The following PKD1L1 variants were observed in gnomAD, a reference collection of about 807,000 sequenced individuals.
PKD1L1 encodes the protein polycystin 1 like 1, transient receptor potential channel interacting, also known as polycystin-1-like protein 1.
In PKD1L1, 236 loss-of-function variants were observed where a neutral mutation model predicts 323.4. That is an observed-to-expected ratio of 0.73 (90% CI 0.66 to 0.81). The LOEUF (loss-of-function observed/expected upper bound fraction) is 0.81, where lower values mean the gene tolerates loss of function less well. Among genes scored for constraint, PKD1L1 ranks in the 40% least tolerant of loss-of-function variants. The probability of loss-of-function intolerance (pLI) is 0.00; values close to 1 mark genes in which losing one functional copy is unlikely to be tolerated. For synonymous variants in PKD1L1, 1,344 were observed against 1,335.0 expected (o/e 1.01, Z -0.15); for missense variants, 3,320 against 3,508.0 (o/e 0.95, Z 1.35).
At chr7:47,801,331 T>C (rs534180850) in intron 53 of PKD1L1, among the ~76,000 whole-genome samples, 2 of 152,314 alleles carry the variant, frequency 1.3e-5, no homozygotes, top group South Asian at 4.1e-4. Context: ...TTTCCAATTT[T>C]GATGTAGATT....
At chr7:47,828,885 A>G (rs1056747884) in intron 44 of PKD1L1, among the ~76,000 whole-genome samples, 5 of 152,356 alleles carry the variant, frequency 3.3e-5, no homozygotes, top group Non-Finnish European at 5.9e-5. Context: ...ACAAGAGTAC[A>G]GAATTGCACA....
At chr7:47,883,746 G>C (rs897197661) in intron 19 of PKD1L1, among the ~76,000 whole-genome samples, 1 of 152,140 alleles carries the variant, frequency 6.6e-6, no homozygotes, top group Non-Finnish European at 1.5e-5. Context: ...TCAAATCAGA[G>C]GAATAAATCA....
In PKD1L1 at chr7:47,774,961, C is replaced by T; in HGVS notation, c.*182G>A. 10 of 673,968 alleles carry T rather than the reference C, an allele frequency of 1.5e-5. No individual in the cohort carries two copies. In the South Asian group the frequency reaches 1.8e-4, roughly 12 times the overall value. The allele number at this position is 673,968 out of a possible 1,614,324, so 41.7% of individuals were successfully genotyped here. ...GTGATTATGAGTAACAGTCTGATGACAGATAAACCTTGATTTTCATCCTGG... is the reference window on the plus strand; with the variant it reads ...GTGATTATGAGTAACAGTCTGATGATAGATAAACCTTGATTTTCATCCTGG... On this transcript the variant is annotated 3_prime_UTR_variant, in exon 57 of 57. Transcript: ENST00000289672.
At chr7:47,884,554 G>A in intron 19 of PKD1L1, 44 bp downstream of exon 19, 1 of 1,556,756 alleles carries the variant, frequency 6.4e-7, no homozygotes, top group South Asian at 1.1e-5. Context: ...GGCTGTGGAG[G>A]AGAGCTGAGT....
chr7:47,889,579 C>G (rs1180102773), intron 16 of PKD1L1, among the ~76,000 whole-genome samples: 1 of 152,136 alleles, frequency 6.6e-6, no homozygotes, highest in Non-Finnish European at 1.5e-5. Context: ...TCTTGAAACC[C>G]TGAATTCCAG....
chr7:47,847,032 TAGTC>T lies in PKD1L1; in HGVS notation c.4996_4999del (p.Asp1666MetfsTer10). On this transcript the variant is annotated frameshift_variant, in exon 32 of 57. Transcript: ENST00000289672. LOFTEE classifies it high-confidence loss of function. ...ATATCTGTTTGGAGGTTTTCTGTCA[TAGTC>T]AGCATCCAATAAGGATAAATAGCCT... 1.2e-6 allele frequency: 2 copies of T among 1,608,132 alleles called. No homozygotes were observed. The highest frequency in any genetic ancestry group is 1.7e-5 in the Admixed American group (1 of 58,746).
chr7:47,878,954 T>C (rs534749273), intron 21 of PKD1L1, among the ~76,000 whole-genome samples: 1 of 152,198 alleles, frequency 6.6e-6, no homozygotes, highest in Non-Finnish European at 1.5e-5. Flanking sequence ...CATTAAGGAA[T>C]ATGGCCCAGC....
chr7:47,947,817 A>G (rs1202840467), intron 1 of PKD1L1, among the ~76,000 whole-genome samples: 2 of 151,912 alleles, frequency 1.3e-5, no homozygotes, highest in Non-Finnish European at 2.9e-5. Context: ...AATACAAAAA[A>G]TTAGTCGGGC....
chr7:47,835,280 A>G (rs567383254), intron 37 of PKD1L1, 37 bp from the exon 38 acceptor site: 2 of 1,353,504 alleles, frequency 1.5e-6, no homozygotes, highest in African/African-American at 1.5e-5. Context: ...CATCAACTCA[A>G]TATGAGTCCC....
rs551182136 is a variant in PKD1L1 at position 47,896,264 on chromosome 7, G to A, written c.2271+1724C>T. ...GGATCACTTGAGCCCAGGAGGGAGAGGTTGCAGTGAGCCGAGATTGCAGCC... is the reference window on the plus strand; with the variant it reads ...GGATCACTTGAGCCCAGGAGGGAGAAGTTGCAGTGAGCCGAGATTGCAGCC... On this transcript the variant is annotated intron_variant, in intron 14 of 56. Coordinates refer to ENST00000289672, the MANE Select transcript of PKD1L1 (RefSeq NM_138295.5). Among the ~76,000 whole-genome samples, 1,308 of 148,030 alleles carry A rather than the reference G, an allele frequency of 8.8e-3. 16 individuals carry two copies. The highest frequency in any genetic ancestry group is 0.031 in the African/African-American group (1,216 of 38,916).
the PKD1L1 span, among the ~76,000 whole-genome samples, chr7:47,959,807 C>T: frequency 2.1e-4 from 32 of 150,110 alleles, no homozygotes; most frequent in Admixed American, 9.9e-4. Context: ...CGCCTCTGCC[C>T]GGCCGCCCCT....
chr7:47,924,191 AT>A (rs1357185309), intron 7 of PKD1L1, among the ~76,000 whole-genome samples: 1 of 152,156 alleles, frequency 6.6e-6, no homozygotes, highest in Admixed American at 6.5e-5. Flanking sequence ...CTCCCCCAGA[AT>A]TTGGAGGCTG....
intron 52 of PKD1L1, among the ~76,000 whole-genome samples, chr7:47,807,021 G>C (rs1346327312): frequency 6.6e-6 from 1 of 152,002 alleles, no homozygotes; most frequent in African/African-American, 2.4e-5. Context: ...ACACACAGAC[G>C]GGACTCTGTC....
intron 22 of PKD1L1, 150 bp from the exon 23 acceptor site, chr7:47,876,367 A>T (rs1380680121): frequency 1.2e-6 from 1 of 861,910 alleles, no homozygotes; most frequent in Non-Finnish European, 1.7e-6. Context: ...CAGCACTCCC[A>T]GCTGCCCAGA....
intron 41 of PKD1L1, among the ~76,000 whole-genome samples, chr7:47,831,639 G>T (rs976124153): frequency 6.6e-6 from 1 of 152,210 alleles, no homozygotes; most frequent in South Asian, 2.1e-4. Flanking sequence ...GGGAACTCCT[G>T]CCCGACTGCT....
Position 47,839,786 on chromosome 7 carries a change from G to A in PKD1L1, c.5553-124C>T. On this transcript the variant is annotated intron_variant, in intron 35 of 56. Coordinates refer to ENST00000289672, the MANE Select transcript of PKD1L1 (RefSeq NM_138295.5). The surrounding 1 kb of genome is among the most constrained non-coding windows in gnomAD (Gnocchi z 4.3). ...CAGAGGGTGGATGGGACATGTCAAA[G>A]GTGACTGACATGCAGAGTGACATGT... The A allele has an allele frequency of 1.1e-6, 1 of 941,520 alleles. No homozygotes were observed. The highest frequency in any genetic ancestry group is 1.6e-6 in the Non-Finnish European group (1 of 627,044). 58.3% of individuals were successfully genotyped at this position (941,520 alleles called of 1,614,324 possible).
rs17710886 is a variant in PKD1L1, at chr7:47,838,297, G to A, written c.5769+1149C>T. Among the ~76,000 whole-genome samples the A allele has an allele frequency of 4.4e-3, 676 of 152,350 alleles. 32 individuals carry two copies. In the East Asian group the frequency reaches 0.12, roughly 26 times the overall value. On this transcript the variant is annotated intron_variant, in intron 36 of 56. Transcript: ENST00000289672. ...ATCAACGCAGGTGGCAACAGGGCGGGTTGGAAAGAAAGCCCAGTGGCCTGG... is the reference window on the plus strand; with the variant it reads ...ATCAACGCAGGTGGCAACAGGGCGGATTGGAAAGAAAGCCCAGTGGCCTGG...
rs560989307 is a variant in PKD1L1 at position 47,889,731 on chromosome 7, G to C, written c.2675+811C>G. On this transcript the variant is annotated intron_variant, in intron 16 of 56. Transcript: ENST00000289672. Reference sequence around the variant, plus strand: ...CAGCCCCCTTGCCCCTACCATCCATGATGGAAGCAGTTCGATCTGCCCAGG... The same window carrying C: ...CAGCCCCCTTGCCCCTACCATCCATCATGGAAGCAGTTCGATCTGCCCAGG... Among the ~76,000 whole-genome samples the C allele has an allele frequency of 2.0e-5, 3 of 152,266 alleles. No homozygotes were observed. In the South Asian group the frequency reaches 6.2e-4, roughly 32 times the overall value.
Position 47,946,417 on chromosome 7 carries a change from T to G in PKD1L1, c.44+1980A>C, listed in dbSNP as rs1298841967. ...CACCACACAAACACACCACACAGCA[T>G]CACACACAATATACACACACCACAC... On this transcript the variant is annotated intron_variant, in intron 1 of 56. Transcript: ENST00000289672. The surrounding 1 kb of genome is among the most constrained non-coding windows in gnomAD (Gnocchi z 4.1). 7.3e-6 allele frequency among the ~76,000 whole-genome samples: 1 copy of G among 137,328 alleles called. No individual in the cohort carries two copies. The highest frequency in any genetic ancestry group is 1.6e-5 in the Non-Finnish European group (1 of 63,120). 90.1% of individuals were successfully genotyped at this position (137,328 alleles called of 152,430 possible). A position where few individuals can be genotyped will look rare whatever the true frequency, so the allele number is the denominator to read the frequency against.
Sources: allele counts gnomAD v4.1 joint callset (sites outside exome capture counted in the v4.1 genomes callset), GRCh38; gene constraint gnomAD v4.1.1; non-coding constraint Gnocchi (gnomAD v3.1); transcripts MANE v1.5; gene names NCBI Gene and HGNC (gene_info 2026-07-23, HGNC 2026-07-21).